The following GLIS3 variants were observed in gnomAD, a reference collection of about 807,000 sequenced individuals.
GLIS3 encodes the protein GLIS family zinc finger 3, also known as zinc finger protein GLIS3.
A neutral mutation model predicts 78.6 loss-of-function variants in GLIS3; 53 were observed. The ratio of observed to expected loss-of-function variants is 0.67; its 90% CI spans 0.54 to 0.85. The LOEUF is 0.85. Ranked by LOEUF, GLIS3 falls within the 40% of genes least tolerant of loss-of-function variation. The probability of loss-of-function intolerance (pLI) is 0.00; values close to 1 mark genes in which losing one functional copy is unlikely to be tolerated. For missense variants in GLIS3, 1,703 were observed against 1,231.1 expected, an observed-to-expected ratio of 1.38 and a Z score of -5.74; for synonymous variants, 684 against 509.9, an observed-to-expected ratio of 1.34 and a Z score of -4.60.
chr9:4,273,590 C>CATAAATAAATAAATAAATAAATAA (rs60374376), intron 2 of GLIS3, among the ~76,000 whole-genome samples: 16 of 144,084 alleles, frequency 1.1e-4, no homozygotes, highest in African/African-American at 3.9e-4. Context: ...AAGACCTTAT[C>CATAAATAAATAAATAAATAAATAA]ATAAATAAAT....
the GLIS3 span, among the ~76,000 whole-genome samples, chr9:4,401,456 G>T: frequency 6.6e-6 from 1 of 151,452 alleles, no homozygotes. Flanking sequence ...TAGAGATGGG[G>T]TTTCTCCATG....
chr9:4,132,947 C>G (rs1005016221), intron 2 of GLIS3, among the ~76,000 whole-genome samples: 7 of 152,134 alleles, frequency 4.6e-5, no homozygotes, highest in Admixed American at 3.9e-4. Context: ...AGTAATAATA[C>G]CTAACTCATA....
At position 4,331,851 on chromosome 9, in the gene GLIS3, G is replaced by C. The variant is rs191628936; in HGVS notation, n.264+15230C>G. On this transcript the variant is annotated intron_variant and non_coding_transcript_variant, in intron 2 of 4. Transcript: ENST00000471664. The stretch of plus-strand genomic sequence containing the variant: ...CAGACAGAGAGAACACATGAACAAA[G>C]GCCCAGAAACAAGAGAAAATATGAT... Among the ~76,000 whole-genome samples the C allele has an allele frequency of 2.6e-5, 4 of 152,214 alleles. No homozygotes were observed. In the East Asian group the frequency reaches 7.7e-4, roughly 29 times the overall value.
intron 4 of GLIS3, among the ~76,000 whole-genome samples, chr9:3,963,242 G>C (rs550887122): frequency 2.6e-5 from 4 of 152,204 alleles, no homozygotes; most frequent in South Asian, 2.1e-4. Flanking sequence ...GCTCATTTCT[G>C]GAACTGAACC....
At chr9:4,177,216 C>T (rs1039144290) in intron 2 of GLIS3, among the ~76,000 whole-genome samples, 7 of 152,148 alleles carry the variant, frequency 4.6e-5, no homozygotes, top group African/African-American at 1.7e-4. Flanking sequence ...CAGTTTTCTC[C>T]AAAGGATTAT....
At chr9:3,908,528 A>G (rs540957301) in intron 6 of GLIS3, among the ~76,000 whole-genome samples, 1 of 152,260 alleles carries the variant, frequency 6.6e-6, no homozygotes, top group African/African-American at 2.4e-5. Context: ...TCATTTTTAT[A>G]CAATCTCCCA....
At chr9:4,178,659 T>TAAA (rs551208713) in intron 2 of GLIS3, among the ~76,000 whole-genome samples, 44 of 152,166 alleles carry the variant, frequency 2.9e-4, no homozygotes, top group Non-Finnish European at 5.1e-4. Flanking sequence ...CACAGGAAAA[T>TAAA]AAAAACCCAA....
the GLIS3 span, among the ~76,000 whole-genome samples, chr9:4,471,588 C>T: frequency 1.3e-5 from 2 of 152,112 alleles, no homozygotes; most frequent in Non-Finnish European, 2.9e-5. Flanking sequence ...TTCCTTACAC[C>T]CTATACAAAA....
intron 2 of GLIS3, among the ~76,000 whole-genome samples, chr9:4,240,164 G>C (rs923278797): frequency 4.1e-4 from 54 of 131,470 alleles, no homozygotes; most frequent in African/African-American, 1.5e-3. Context: ...CAGTTTCATG[G>C]AAGACAATTT....
intron 9 of GLIS3, among the ~76,000 whole-genome samples, chr9:3,830,565 T>A (rs2129952840): frequency 6.6e-6 from 1 of 152,338 alleles, no homozygotes; most frequent in Middle Eastern, 3.4e-3. Flanking sequence ...AAGCACTTTA[T>A]AAGTGTCAGT....
chr9:4,293,990 T>A (rs757118912), intron 1 of GLIS3, among the ~76,000 whole-genome samples: 5 of 152,192 alleles, frequency 3.3e-5, no homozygotes, highest in Non-Finnish European at 7.3e-5. Context: ...GGAACATGAT[T>A]GGATCTTTGT....
chr9:4,465,279 G>A, the GLIS3 span, among the ~76,000 whole-genome samples: 1 of 152,260 alleles, frequency 6.6e-6, no homozygotes, highest in African/African-American at 2.4e-5. Context: ...CGGGCACGGT[G>A]GCTTATGCCT....
rs57746056 is a variant in GLIS3 at position 4,266,595 on chromosome 9, TACACACACACAC to T, written c.388+19431_388+19442del. 6.9e-3 allele frequency among the ~76,000 whole-genome samples: 1,031 copies of T among 149,392 alleles called. 7 individuals carry two copies. The highest frequency in any genetic ancestry group is 0.023 in the African/African-American group (952 of 40,576). On this transcript the variant is annotated intron_variant, in intron 2 of 10. Transcript: ENST00000381971. ...TACATTTTACACATGCATGCGCGTG[TACACACACACAC>T]ACACACACACACACACACACACACT...
chr9:4,320,656 A>G (rs545372253), intron 2 of GLIS3, among the ~76,000 whole-genome samples: 1 of 152,118 alleles, frequency 6.6e-6, no homozygotes, highest in African/African-American at 2.4e-5. Context: ...TGTTGCCACC[A>G]TCACTACCTC....
At chr9:4,066,353 G>A (rs2130600968) in intron 4 of GLIS3, among the ~76,000 whole-genome samples, 1 of 152,270 alleles carries the variant, frequency 6.6e-6, no homozygotes, top group Middle Eastern at 3.4e-3. Context: ...CCTCTGGAGT[G>A]CATATTCCTG....
chr9:3,922,941 T>C (rs1373066037), intron 6 of GLIS3, among the ~76,000 whole-genome samples: 1 of 152,120 alleles, frequency 6.6e-6, no homozygotes, highest in Non-Finnish European at 1.5e-5. Context: ...GATGGGGTCA[T>C]TGGGAACAAC....
the GLIS3 span, among the ~76,000 whole-genome samples, chr9:4,390,029 T>C: frequency 1.3e-5 from 2 of 152,208 alleles, no homozygotes; most frequent in Non-Finnish European, 2.9e-5. Flanking sequence ...GAACAAATAC[T>C]ATGTGCTGCA....
intron 4 of GLIS3, among the ~76,000 whole-genome samples, chr9:4,053,800 C>A (rs1053048528): frequency 6.6e-6 from 1 of 151,622 alleles, no homozygotes; most frequent in Admixed American, 6.6e-5. Flanking sequence ...TTAGTGACAC[C>A]ATTGGCGAAC....
the GLIS3 span, among the ~76,000 whole-genome samples, chr9:4,441,652 G>A: frequency 1.3e-5 from 2 of 152,038 alleles, no homozygotes; most frequent in Admixed American, 1.3e-4. Context: ...TATCACCCAG[G>A]CTGGAATGCA....
Sources: gnomAD v4.1 joint callset for allele counts (sites outside exome capture counted in the v4.1 genomes callset) on GRCh38, gnomAD v4.1.1 for gene constraint, MANE v1.5 for transcripts, NCBI Gene and HGNC (gene_info 2026-07-23, HGNC 2026-07-21) for gene names.